GABRB3: variants seen among roughly 807,000 people sequenced by gnomAD.
The protein encoded by GABRB3 is gamma-aminobutyric acid type A receptor subunit beta3, also known as gamma-aminobutyric acid receptor subunit beta-3.
GABRB3 carries 14 observed loss-of-function variants against 52.1 expected under a neutral mutation model. The ratio of observed to expected loss-of-function variants is 0.27; its 90% confidence interval spans 0.18 to 0.42. The LOEUF is 0.42. Ranked by LOEUF, GABRB3 falls within the 10% of genes least tolerant of loss-of-function variation. GABRB3 has a pLI of 1.00. For synonymous variants in GABRB3, 260 were observed against 232.3 expected (o/e 1.12, Z -1.08); for missense variants, 307 against 609.1 (o/e 0.50, Z 5.22).
chr15:26,668,205 T>C (rs1002440529), intron 3 of GABRB3, among the ~76,000 whole-genome samples: 3 of 152,138 alleles, frequency 2.0e-5, no homozygotes, highest in African/African-American at 7.2e-5. Context: ...AGCAAGGAAA[T>C]AAAGAATATG....
At chr15:26,573,754 A>C (rs1352309679) in intron 6 of GABRB3, among the ~76,000 whole-genome samples, 1 of 152,234 alleles carries the variant, frequency 6.6e-6, no homozygotes, top group Non-Finnish European at 1.5e-5. Flanking sequence ...TATATCCAAA[A>C]TACATAAAGA....
chr15:26,761,170 G>A (rs144417346), intron 3 of GABRB3, among the ~76,000 whole-genome samples: 50 of 152,208 alleles, frequency 3.3e-4, no homozygotes, highest in Admixed American at 1.6e-3. Context: ...CAAGGCAGGC[G>A]GATCACCAGG....
chr15:26,703,207 C>A (rs1448557553), intron 3 of GABRB3, among the ~76,000 whole-genome samples: 1 of 152,172 alleles, frequency 6.6e-6, no homozygotes, highest in Non-Finnish European at 1.5e-5. Flanking sequence ...AAATTAATTT[C>A]CTCACAGTTC....
chr15:26,567,684 T>A lies in GABRB3; in HGVS notation c.732A>T (p.Gly244=). Residue 244 remains glycine, a synonymous_variant, in exon 7 of 9, where the codon GGA becomes GGT. Transcript: ENST00000311550. ...GCATATAAGTCTGAAGAATGAAGTA[T>A]CCAATGTTCCTCTTCAACCGAAAGC... is the stretch of plus-strand genomic sequence containing the variant. The part of the protein sequence containing the change: ...SLSFRLKRNI[G]YFILQTYMPS... 1.9e-6 allele frequency: 3 copies of A among 1,614,138 alleles called. No homozygotes were observed. Among genetic ancestry groups the A allele is most frequent in the Non-Finnish European group, 2.5e-6 (3 of 1,180,016 alleles).
At chr15:26,559,148 T>C (rs1026225179) in intron 8 of GABRB3, among the ~76,000 whole-genome samples, 1 of 152,190 alleles carries the variant, frequency 6.6e-6, no homozygotes, top group African/African-American at 2.4e-5. Flanking sequence ...TGACGTGAGA[T>C]TTGGGTGGGG....
rs116901255 is a variant in GABRB3, at chr15:26,622,211, G to C, written c.241-677C>G. Among the ~76,000 whole-genome samples, 9 of 152,230 alleles carry C rather than the reference G, an allele frequency of 5.9e-5. No individual in the cohort carries two copies. In the East Asian group the frequency reaches 1.7e-3, roughly 30 times the overall value. On this transcript the variant is annotated intron_variant, in intron 3 of 8. Transcript: ENST00000311550. The stretch of plus-strand genomic sequence containing the variant: ...AGCAGGATATGGGAGGTGGGAGACA[G>C]ACAGGGCCATGGTGTTGTCCACAGG...
intron 3 of GABRB3, among the ~76,000 whole-genome samples, chr15:26,696,382 T>C (rs1888740271): frequency 2.0e-5 from 3 of 148,354 alleles, no homozygotes; most frequent in Admixed American, 1.3e-4. Flanking sequence ...TTATAATTAC[T>C]GTTATTATTA....
chr15:26,706,796 T>C (rs1401221074), intron 3 of GABRB3, among the ~76,000 whole-genome samples: 1 of 152,190 alleles, frequency 6.6e-6, no homozygotes, highest in Non-Finnish European at 1.5e-5. Context: ...AAAAATTCTT[T>C]AAGCCATTAT....
intron 3 of GABRB3, among the ~76,000 whole-genome samples, chr15:26,768,790 C>T (rs1891065340): frequency 6.6e-6 from 1 of 151,496 alleles, no homozygotes; most frequent in African/African-American, 2.4e-5. Context: ...TGACAAGTAT[C>T]AGGTCAACTA....
intron 3 of GABRB3, among the ~76,000 whole-genome samples, chr15:26,666,884 G>T (rs1030931623): frequency 2.6e-5 from 4 of 152,168 alleles, no homozygotes; most frequent in Non-Finnish European, 4.4e-5. Flanking sequence ...GAAGGATCAG[G>T]GCTCTCTGTT....
chr15:26,690,218 C>T (rs1035913220), intron 3 of GABRB3, among the ~76,000 whole-genome samples: 1 of 150,594 alleles, frequency 6.6e-6, no homozygotes, highest in African/African-American at 2.4e-5. Context: ...ACTGGGAATA[C>T]AGGTGCATGG....
chr15:26,771,822 G>C (rs1276655585), intron 3 of GABRB3: 1 of 152,392 alleles, frequency 6.6e-6, no homozygotes, highest in African/African-American at 2.4e-5. Flanking sequence ...GCGGAAGCCT[G>C]TCAGCACCTC....
intron 6 of GABRB3, among the ~76,000 whole-genome samples, chr15:26,568,242 G>A (rs547197672): frequency 1.1e-4 from 17 of 152,112 alleles, no homozygotes; most frequent in Non-Finnish European, 2.1e-4. Context: ...AGAGAAGCAA[G>A]TCCAGTCCCG....
At chr15:26,560,198 T>TAAA (rs1889926791) in intron 8 of GABRB3, among the ~76,000 whole-genome samples, 1 of 152,204 alleles carries the variant, frequency 6.6e-6, no homozygotes, top group African/African-American at 2.4e-5. Flanking sequence ...AATATTGGTT[T>TAAA]TATAGGAAAC....
chr15:26,564,938 A>C (rs1209865924), intron 7 of GABRB3, among the ~76,000 whole-genome samples: 1 of 152,222 alleles, frequency 6.6e-6, no homozygotes, highest in Non-Finnish European at 1.5e-5. Flanking sequence ...TGGAAGTCAT[A>C]CTAACTGGAT....
At chr15:26,638,559 G>C (rs1425553213) in intron 3 of GABRB3, among the ~76,000 whole-genome samples, 1 of 152,178 alleles carries the variant, frequency 6.6e-6, no homozygotes, top group East Asian at 1.9e-4. Flanking sequence ...CCCTTATCCA[G>C]CTGCTCTTCT....
At chr15:26,575,057 T>G (rs1446438601) in intron 6 of GABRB3, among the ~76,000 whole-genome samples, 2 of 152,222 alleles carry the variant, frequency 1.3e-5, no homozygotes, top group Non-Finnish European at 2.9e-5. Context: ...TGGTGCTTTC[T>G]CTGTTCATGA....
intron 3 of GABRB3, among the ~76,000 whole-genome samples, chr15:26,673,191 A>T (rs1298357644): frequency 3.3e-5 from 5 of 152,142 alleles, no homozygotes; most frequent in African/African-American, 9.7e-5. Flanking sequence ...CTGCTAGAAA[A>T]AAGTTGCAAT....
At chr15:26,594,000 AT>A (rs1276629068) in intron 4 of GABRB3, among the ~76,000 whole-genome samples, 222 of 137,012 alleles carry the variant, frequency 1.6e-3, no homozygotes, top group Middle Eastern at 3.7e-3. Flanking sequence ...ATATATATAT[AT>A]ATAATAGCCA....
Sources: gnomAD v4.1 joint callset for allele counts (sites outside exome capture counted in the v4.1 genomes callset) on GRCh38, gnomAD v4.1.1 for gene constraint, MANE v1.5 for transcripts, NCBI Gene and HGNC (gene_info 2026-07-23, HGNC 2026-07-21) for gene names.